ZNF83: variants seen among roughly 807,000 people sequenced by gnomAD.
The protein encoded by ZNF83 is zinc finger protein 816B.
For synonymous variants in ZNF83, 209 were observed against 213.0 expected, an observed-to-expected ratio of 0.98 and a Z score of 0.17; for missense variants, 552 against 629.9, an observed-to-expected ratio of 0.88 and a Z score of 1.32.
At chr19:52,677,752 G>A (rs906136172) in intron 1 of ZNF83, among the ~76,000 whole-genome samples, 3 of 152,050 alleles carry the variant, frequency 2.0e-5, no homozygotes, top group Non-Finnish European at 2.9e-5. Flanking sequence ...AAAAGAGCCA[G>A]GCCAGAGGGG....
chr19:52,638,374 A>G (rs1198197843), upstream of ZNF83: 3 of 84,914 alleles, frequency 3.5e-5, no homozygotes, highest in Non-Finnish European at 6.9e-5. Flanking sequence ...GTGCGCGCGC[A>G]GTACAGAAGC....
At chr19:52,675,943 C>A (rs2061795436) in intron 1 of ZNF83, among the ~76,000 whole-genome samples, 1 of 152,106 alleles carries the variant, frequency 6.6e-6, no homozygotes, top group African/African-American at 2.4e-5. Context: ...TGTAATCCCA[C>A]CACTTTGGGA....
At chr19:52,685,130 C>G (rs2061992694) in intron 1 of ZNF83, among the ~76,000 whole-genome samples, 1 of 152,208 alleles carries the variant, frequency 6.6e-6, no homozygotes. Flanking sequence ...GGGCACTCCC[C>G]TCTCCCAGAA....
chr19:52,655,724 A>G, intron 2 of ZNF83: 1 of 827,928 alleles, frequency 1.2e-6, no homozygotes, highest in Non-Finnish European at 2.0e-6. Context: ...AACATTAGGG[A>G]GGAGTCATTA....
At chr19:52,657,362 A>G (rs2061519941) in intron 2 of ZNF83, among the ~76,000 whole-genome samples, 2 of 151,854 alleles carry the variant, frequency 1.3e-5, no homozygotes, top group South Asian at 4.2e-4. Flanking sequence ...TCATATCAGG[A>G]ATTTGGGAGG....
At chr19:52,612,472 C>T (rs905636652) in exon 3 of ZNF83, 3 of 153,894 alleles carry the variant, frequency 1.9e-5, no homozygotes, top group African/African-American at 7.2e-5. Context: ...TAGTTACTCT[C>T]CAGTATAAAC....
chr19:52,689,945 G>C (rs1198260010), intron 1 of ZNF83, among the ~76,000 whole-genome samples: 1 of 152,182 alleles, frequency 6.6e-6, no homozygotes, highest in Non-Finnish European at 1.5e-5. Context: ...GAGACCTGGG[G>C]AGCAGCAGGG....
At chr19:52,630,001 A>G (rs1217011499) in intron 2 of ZNF83, among the ~76,000 whole-genome samples, 2 of 152,114 alleles carry the variant, frequency 1.3e-5, no homozygotes, top group Non-Finnish European at 1.5e-5. Flanking sequence ...CCTGAACCAC[A>G]GTGGCCAGGC....
chr19:52,657,311 T>C (rs1028846314), intron 2 of ZNF83, among the ~76,000 whole-genome samples: 16 of 152,058 alleles, frequency 1.1e-4, no homozygotes, highest in African/African-American at 3.6e-4. Flanking sequence ...GAATACATTA[T>C]GTAAATTAAA....
At chr19:52,615,633 T>TAGAA (rs1456099331) in intron 2 of ZNF83, among the ~76,000 whole-genome samples, 2 of 151,928 alleles carry the variant, frequency 1.3e-5, no homozygotes, top group Non-Finnish European at 2.9e-5. Context: ...TGGGGTAAAA[T>TAGAA]AGAAAGAAGG....
chr19:52,647,222 T>A (rs1290931514), intron 3 of ZNF83, among the ~76,000 whole-genome samples: 2 of 152,226 alleles, frequency 1.3e-5, no homozygotes, highest in Non-Finnish European at 2.9e-5. Flanking sequence ...GAATAGGGAT[T>A]CCAAGTGAAA....
intron 1 of ZNF83, among the ~76,000 whole-genome samples, chr19:52,673,673 G>A (rs2061758086): frequency 6.6e-6 from 1 of 152,094 alleles, no homozygotes; most frequent in African/African-American, 2.4e-5. Flanking sequence ...TCTGGAGACA[G>A]AGATCATGCA....
chr19:52,644,085 C>T (rs1445739414), intron 3 of ZNF83, among the ~76,000 whole-genome samples: 1 of 152,016 alleles, frequency 6.6e-6, no homozygotes, highest in Non-Finnish European at 1.5e-5. Context: ...ACTGACATGA[C>T]CTGCTTTAGA....
intron 1 of ZNF83, among the ~76,000 whole-genome samples, chr19:52,684,211 A>T (rs1191765685): frequency 6.6e-6 from 1 of 151,992 alleles, no homozygotes; most frequent in East Asian, 1.9e-4. Flanking sequence ...TCTACTAAAA[A>T]CATAAAAAGT....
intron 2 of ZNF83, among the ~76,000 whole-genome samples, chr19:52,656,714 A>T (rs1188419765): frequency 6.6e-6 from 1 of 152,010 alleles, no homozygotes; most frequent in African/African-American, 2.4e-5. Flanking sequence ...AAAAACACAA[A>T]AATTAGCTTG....
intron 2 of ZNF83, among the ~76,000 whole-genome samples, chr19:52,620,104 G>A (rs2060479556): frequency 6.6e-6 from 1 of 152,006 alleles, no homozygotes; most frequent in Non-Finnish European, 1.5e-5. Context: ...TTATATATAT[G>A]TCCACAAAAT....
exon 3 of ZNF83, chr19:52,613,815 T>TTG: frequency 6.2e-7 from 1 of 1,613,940 alleles, no homozygotes; most frequent in Admixed American, 1.7e-5. Context: ...TGATCAGATG[T>TTG]TGTACAAGGT....
At chr19:52,690,026 CT>C (rs1318153157) in intron 1 of ZNF83, among the ~76,000 whole-genome samples, 50 of 152,246 alleles carry the variant, frequency 3.3e-4, no homozygotes, top group Admixed American at 7.2e-4. Flanking sequence ...GATCCCAGGA[CT>C]AGGCAGAGGA....
intron 1 of ZNF83, among the ~76,000 whole-genome samples, chr19:52,688,915 T>A (rs2147389262): frequency 7.4e-6 from 1 of 134,622 alleles, no homozygotes; most frequent in Middle Eastern, 4.5e-3. Flanking sequence ...ATGAATGGGC[T>A]CCAGACACCC....
Sources: gnomAD v4.1 joint callset for allele counts (sites outside exome capture counted in the v4.1 genomes callset) on GRCh38, gnomAD v4.1.1 for gene constraint, MANE v1.5 for transcripts, NCBI Gene and HGNC (gene_info 2026-07-23, HGNC 2026-07-21) for gene names.